TTC29: variants seen among roughly 807,000 people sequenced by gnomAD.
TTC29 encodes tetratricopeptide repeat protein 29.
In TTC29, 49 loss-of-function variants were observed where a neutral mutation model predicts 58.1. The observed-to-expected ratio is 0.84, with a 90% confidence interval of 0.67 to 1.07. The LOEUF is 1.07. Ranked by LOEUF, TTC29 falls within the 50% of genes least tolerant of loss-of-function variation. The pLI is 0.00. For synonymous variants in TTC29, 209 were observed against 196.8 expected, an observed-to-expected ratio of 1.06 and a Z score of -0.52; for missense variants, 582 against 555.6, an observed-to-expected ratio of 1.05 and a Z score of -0.48.
At chr4:146,733,195 A>G (rs1192939568) in intron 11 of TTC29, among the ~76,000 whole-genome samples, 2 of 152,150 alleles carry the variant, frequency 1.3e-5, no homozygotes, top group African/African-American at 4.8e-5. Context: ...ACTGCTGTAA[A>G]TAGTGACTAT....
At chr4:146,843,412 T>C (rs1207537412) in intron 8 of TTC29, among the ~76,000 whole-genome samples, 2 of 152,160 alleles carry the variant, frequency 1.3e-5, no homozygotes, top group Admixed American at 1.3e-4. Context: ...TATTGATCAT[T>C]TGAGTACGTA....
intron 11 of TTC29, among the ~76,000 whole-genome samples, chr4:146,800,565 A>G (rs908335203): frequency 1.7e-4 from 26 of 152,192 alleles, no homozygotes; most frequent in African/African-American, 6.0e-4. Flanking sequence ...TTTTGTTGAC[A>G]TCATGTTGGG....
chr4:146,884,900 C>A (rs1285945806), intron 6 of TTC29, among the ~76,000 whole-genome samples: 1 of 151,854 alleles, frequency 6.6e-6, no homozygotes, highest in East Asian at 1.9e-4. Flanking sequence ...ATAAAGGAGG[C>A]TTTATTGTTA....
At chr4:146,839,322 C>T (rs1219853513) in intron 8 of TTC29, among the ~76,000 whole-genome samples, 1 of 151,708 alleles carries the variant, frequency 6.6e-6, no homozygotes, top group African/African-American at 2.4e-5. Flanking sequence ...TTATTGTATA[C>T]CTAAAACTAG....
intron 11 of TTC29, among the ~76,000 whole-genome samples, chr4:146,780,921 C>A (rs559077645): frequency 4.9e-4 from 75 of 152,018 alleles, no homozygotes; most frequent in African/African-American, 1.7e-3. Flanking sequence ...ATGAGTCTCA[C>A]AAATATAAAA....
intron 8 of TTC29, among the ~76,000 whole-genome samples, chr4:146,860,572 G>A (rs933134872): frequency 1.7e-4 from 26 of 152,132 alleles, no homozygotes; most frequent in African/African-American, 5.8e-4. Context: ...TATACAGCAT[G>A]GATACTCTCA....
At chr4:146,911,485 A>G (rs753269977) in intron 4 of TTC29, among the ~76,000 whole-genome samples, 1 of 152,208 alleles carries the variant, frequency 6.6e-6, no homozygotes, top group Non-Finnish European at 1.5e-5. Flanking sequence ...GGACACATGT[A>G]AAGGACTTCA....
chr4:146,841,620 C>T (rs1043053127), intron 8 of TTC29, among the ~76,000 whole-genome samples: 2 of 151,976 alleles, frequency 1.3e-5, no homozygotes, highest in Non-Finnish European at 2.9e-5. Context: ...CTGCTTGCCA[C>T]CCTTCCCATT....
At chr4:146,920,975 C>G (rs1051628510) in intron 4 of TTC29, among the ~76,000 whole-genome samples, 5 of 151,214 alleles carry the variant, frequency 3.3e-5, no homozygotes, top group African/African-American at 4.8e-5. Context: ...TTTTGATTTT[C>G]CCCTTATCTA....
intron 11 of TTC29, among the ~76,000 whole-genome samples, chr4:146,744,970 A>G (rs941476899): frequency 5.9e-5 from 9 of 152,298 alleles, no homozygotes; most frequent in African/African-American, 2.2e-4. Flanking sequence ...TTATGGAGAA[A>G]ATGGAGAAGA....
chr4:146,837,202 A>T (rs146435096), intron 8 of TTC29, among the ~76,000 whole-genome samples: 1 of 152,152 alleles, frequency 6.6e-6, no homozygotes, highest in East Asian at 1.9e-4. Flanking sequence ...AGCAACATGG[A>T]TGCAGCTTGA....
At chr4:146,839,570 G>A (rs1255329770) in intron 8 of TTC29, among the ~76,000 whole-genome samples, 1 of 150,802 alleles carries the variant, frequency 6.6e-6, no homozygotes, top group Admixed American at 6.6e-5. Flanking sequence ...GTGTGTGTGT[G>A]TGTAAGTTTT....
intron 6 of TTC29, among the ~76,000 whole-genome samples, chr4:146,891,715 T>C (rs1035489612): frequency 2.0e-5 from 3 of 152,162 alleles, no homozygotes; most frequent in African/African-American, 7.2e-5. Context: ...GGTCACCAAA[T>C]ATTTCTGCAG....
chr4:146,774,501 G>A (rs1213302795), intron 11 of TTC29, among the ~76,000 whole-genome samples: 1 of 152,142 alleles, frequency 6.6e-6, no homozygotes, highest in Non-Finnish European at 1.5e-5. Context: ...TTCAGGAGCA[G>A]GTTAATTTCC....
chr4:146,897,180 G>T (rs1732823464), intron 6 of TTC29, among the ~76,000 whole-genome samples: 1 of 152,172 alleles, frequency 6.6e-6, no homozygotes, highest in Non-Finnish European at 1.5e-5. Flanking sequence ...ACAGGACTTT[G>T]GTGGTCATAA....
At chr4:146,853,276 C>T (rs1210547596) in intron 8 of TTC29, among the ~76,000 whole-genome samples, 3 of 151,994 alleles carry the variant, frequency 2.0e-5, no homozygotes, top group African/African-American at 7.2e-5. Context: ...CAGATAACCA[C>T]CAAAAACAGT....
chr4:146,928,413 A>C (rs1735082534), intron 4 of TTC29, among the ~76,000 whole-genome samples: 1 of 152,224 alleles, frequency 6.6e-6, no homozygotes, highest in Non-Finnish European at 1.5e-5. Flanking sequence ...AAACATAGAA[A>C]GTGCTCTACA....
intron 4 of TTC29, among the ~76,000 whole-genome samples, chr4:146,920,425 G>T (rs1734502786): frequency 6.6e-6 from 1 of 150,904 alleles, no homozygotes; most frequent in African/African-American, 2.4e-5. Context: ...AACATGACAA[G>T]TTTTTAAGAG....
At chr4:146,754,990 A>G (rs962596548) in intron 11 of TTC29, among the ~76,000 whole-genome samples, 6 of 152,160 alleles carry the variant, frequency 3.9e-5, no homozygotes. Flanking sequence ...ATGATCCTGT[A>G]TGTGAAAAAC....
Sources: gnomAD v4.1 joint callset for allele counts (sites outside exome capture counted in the v4.1 genomes callset) on GRCh38, gnomAD v4.1.1 for gene constraint, MANE v1.5 for transcripts, NCBI Gene and HGNC (gene_info 2026-07-23, HGNC 2026-07-21) for gene names.